MARCHF1: variants seen among roughly 807,000 people sequenced by gnomAD.
MARCHF1 encodes the protein E3 ubiquitin-protein ligase MARCHF1.
Under a neutral mutation model 54.2 loss-of-function variants are expected in MARCHF1, and 40 were observed. The ratio of observed to expected loss-of-function variants is 0.74; its 90% CI spans 0.57 to 0.96. The LOEUF (loss-of-function observed/expected upper bound fraction) is 0.96, where lower values mean the gene tolerates loss of function less well. Ranked by LOEUF, MARCHF1 falls within the 40% of genes least tolerant of loss-of-function variation. The pLI is 0.00. For missense variants in MARCHF1, 586 were observed against 656.5 expected, an observed-to-expected ratio of 0.89 and a Z score of 1.17; for synonymous variants, 236 against 236.3, an observed-to-expected ratio of 1.00 and a Z score of 0.01.
chr4:164,004,872 T>C (rs1187482132), intron 2 of MARCHF1, among the ~76,000 whole-genome samples: 1 of 152,030 alleles, frequency 6.6e-6, no homozygotes, highest in Admixed American at 6.6e-5. Flanking sequence ...ATGGCTCTCA[T>C]ACTTCATGAA....
chr4:164,026,673 G>T (rs1443672285), intron 2 of MARCHF1, among the ~76,000 whole-genome samples: 19 of 152,048 alleles, frequency 1.2e-4, no homozygotes. Flanking sequence ...TTGAAAACTG[G>T]AACAAGACAA....
chr4:163,777,979 T>C (rs998995095), intron 4 of MARCHF1, among the ~76,000 whole-genome samples: 5 of 152,230 alleles, frequency 3.3e-5, no homozygotes, highest in Non-Finnish European at 7.3e-5. Flanking sequence ...CTGTTTTCTA[T>C]GACCATTGTT....
intron 1 of MARCHF1, among the ~76,000 whole-genome samples, chr4:164,167,249 T>C (rs1204287268): frequency 3.3e-5 from 5 of 151,840 alleles, no homozygotes; most frequent in East Asian, 1.9e-4. Flanking sequence ...TTCTTGACCA[T>C]AGTGAGATAT....
At chr4:164,074,751 A>C (rs1288412531) in intron 2 of MARCHF1, among the ~76,000 whole-genome samples, 2 of 151,990 alleles carry the variant, frequency 1.3e-5, no homozygotes, top group Non-Finnish European at 2.9e-5. Flanking sequence ...ATTAGTTTTA[A>C]ATCGATCTTT....
chr4:163,699,849 T>A (rs531406760), intron 5 of MARCHF1, among the ~76,000 whole-genome samples: 1 of 152,244 alleles, frequency 6.6e-6, no homozygotes, highest in Non-Finnish European at 1.5e-5. Flanking sequence ...AAAGAATAGC[T>A]CTTACATTTT....
At chr4:164,256,697 A>C (rs1733297398) in intron 1 of MARCHF1, among the ~76,000 whole-genome samples, 1 of 152,298 alleles carries the variant, frequency 6.6e-6, no homozygotes, top group South Asian at 2.1e-4. Context: ...AGTTTCTATG[A>C]ACAGCTTAAG....
At chr4:163,911,306 C>G (rs1188265409) in intron 3 of MARCHF1, among the ~76,000 whole-genome samples, 1 of 152,116 alleles carries the variant, frequency 6.6e-6, no homozygotes, top group Admixed American at 6.6e-5. Context: ...CCAAGTCCTA[C>G]CTCTTTGTTG....
intron 3 of MARCHF1, among the ~76,000 whole-genome samples, chr4:163,927,464 G>A (rs1245723236): frequency 1.3e-5 from 2 of 151,878 alleles, no homozygotes; most frequent in East Asian, 3.8e-4. Context: ...GGAAAGGGCT[G>A]TTTTATAACA....
intron 5 of MARCHF1, among the ~76,000 whole-genome samples, chr4:163,652,174 C>G (rs1022501652): frequency 1.3e-5 from 2 of 151,796 alleles, no homozygotes; most frequent in Admixed American, 1.3e-4. Flanking sequence ...AGATGCCTCT[C>G]AAGTTGCTCC....
chr4:164,281,079 A>G (rs1370514659), intron 1 of MARCHF1, among the ~76,000 whole-genome samples: 3 of 152,154 alleles, frequency 2.0e-5, no homozygotes, highest in African/African-American at 7.2e-5. Context: ...AATATTTCTC[A>G]GTGTTTCAGT....
chr4:164,114,480 T>C (rs1755900191), intron 1 of MARCHF1, among the ~76,000 whole-genome samples: 1 of 151,774 alleles, frequency 6.6e-6, no homozygotes, highest in South Asian at 2.1e-4. Context: ...TAACGATTTT[T>C]ATATAATGAC....
intron 1 of MARCHF1, among the ~76,000 whole-genome samples, chr4:164,198,427 T>C (rs1378987880): frequency 6.6e-6 from 1 of 152,224 alleles, no homozygotes; most frequent in Non-Finnish European, 1.5e-5. Context: ...TTCTGAGACA[T>C]TTATGTTTTT....
At chr4:164,190,197 C>T in intron 1 of MARCHF1, 4 of 1,560,202 alleles carry the variant, frequency 2.6e-6, no homozygotes, top group South Asian at 1.2e-5. Context: ...GGAAAGCCAC[C>T]AAGCTGCTGA....
chr4:164,264,918 C>CA (rs1733567130), intron 1 of MARCHF1, among the ~76,000 whole-genome samples: 1 of 134,956 alleles, frequency 7.4e-6, no homozygotes, highest in African/African-American at 3.0e-5. Flanking sequence ...AAGACTCTGT[C>CA]GAAAAAAAAA....
In MARCHF1 at chr4:164,012,506, G is replaced by A. The variant is rs1753444864; in HGVS notation, c.-247-23797C>T. ...GAATTAACCAACTGCTGACTAAAGT[G>A]GTCTTGGGCTTTGAGTAAATAGCAG... On this transcript the variant is annotated intron_variant, in intron 2 of 9. Transcript: ENST00000514618. 2.0e-5 allele frequency among the ~76,000 whole-genome samples: 3 copies of A among 152,162 alleles called. No homozygotes were observed. In the South Asian group the frequency reaches 6.2e-4, roughly 32 times the overall value.
chr4:164,295,979 G>C (rs556025789), intron 1 of MARCHF1, among the ~76,000 whole-genome samples: 4 of 151,986 alleles, frequency 2.6e-5, no homozygotes, highest in Non-Finnish European at 5.9e-5. Context: ...ACACACACAC[G>C]CAAACCATCA....
At chr4:163,765,729 C>T (rs1347441901) in intron 4 of MARCHF1, among the ~76,000 whole-genome samples, 3 of 151,568 alleles carry the variant, frequency 2.0e-5, no homozygotes, top group Non-Finnish European at 4.4e-5. Flanking sequence ...CCAAGTGTGA[C>T]ATTTTGGGGC....
chr4:163,682,477 G>A (rs889725272), intron 5 of MARCHF1, among the ~76,000 whole-genome samples: 1 of 152,168 alleles, frequency 6.6e-6, no homozygotes, highest in Admixed American at 6.5e-5. Context: ...GGGGAGAAAT[G>A]GTTTAGTGCC....
At chr4:164,033,688 A>T (rs1200616717) in intron 2 of MARCHF1, among the ~76,000 whole-genome samples, 1 of 152,192 alleles carries the variant, frequency 6.6e-6, no homozygotes, top group African/African-American at 2.4e-5. Flanking sequence ...AACATCACTG[A>T]TCATCAGAGA....
Sources: gnomAD v4.1 joint callset for allele counts (sites outside exome capture counted in the v4.1 genomes callset) on GRCh38, gnomAD v4.1.1 for gene constraint, MANE v1.5 for transcripts, NCBI Gene and HGNC (gene_info 2026-07-23, HGNC 2026-07-21) for gene names.